The following SLC9C2 variants were observed in gnomAD, a reference collection of about 807,000 sequenced individuals.
The protein encoded by SLC9C2 is solute carrier family 9 member C2 (putative).
In SLC9C2, 75 loss-of-function variants were observed where a neutral mutation model predicts 140.2. The observed-to-expected ratio is 0.53, with a 90% CI of 0.44 to 0.65. The LOEUF (loss-of-function observed/expected upper bound fraction) is 0.65, where lower values mean the gene tolerates loss of function less well. SLC9C2 is among the 30% of genes least tolerant of loss of function. SLC9C2 has a pLI of 0.00. For missense variants in SLC9C2, 1,074 were observed against 1,331.8 expected (o/e 0.81, Z 3.01); for synonymous variants, 375 against 420.9 (o/e 0.89, Z 1.34).
chr1:173,562,364 C>A (rs1664174518), intron 9 of SLC9C2, among the ~76,000 whole-genome samples: 1 of 152,078 alleles, frequency 6.6e-6, no homozygotes, highest in Admixed American at 6.6e-5. Flanking sequence ...TAAATGCAAG[C>A]AATCTCACAA....
At chr1:173,563,812 T>G (rs1302714855) in intron 9 of SLC9C2, among the ~76,000 whole-genome samples, 2 of 152,210 alleles carry the variant, frequency 1.3e-5, no homozygotes, top group Non-Finnish European at 2.9e-5. Flanking sequence ...TTCTATTTTT[T>G]GTACCTGTTA....
At chr1:173,559,529 C>T (rs1663953758) in intron 9 of SLC9C2, among the ~76,000 whole-genome samples, 1 of 152,212 alleles carries the variant, frequency 6.6e-6, no homozygotes, top group Non-Finnish European at 1.5e-5. Flanking sequence ...ACCACCACCA[C>T]CCAGCACTGC....
chr1:173,592,860 A>G (rs576944431), intron 4 of SLC9C2, among the ~76,000 whole-genome samples: 1 of 152,336 alleles, frequency 6.6e-6, no homozygotes, highest in African/African-American at 2.4e-5. Flanking sequence ...AGGAAACGCC[A>G]TCAGGCTAAC....
intron 17 of SLC9C2, among the ~76,000 whole-genome samples, chr1:173,531,717 G>A (rs757338107): frequency 2.0e-5 from 3 of 152,086 alleles, no homozygotes; most frequent in Non-Finnish European, 4.4e-5. Context: ...CTTTTACTGC[G>A]GCGCCGCCAG....
chr1:173,588,595 T>G (rs759144333), intron 4 of SLC9C2, among the ~76,000 whole-genome samples: 5 of 152,222 alleles, frequency 3.3e-5, no homozygotes, highest in African/African-American at 7.2e-5. Flanking sequence ...AATGTTAAAT[T>G]AACCTTGTTC....
At chr1:173,586,980 C>T (rs897729970) in intron 5 of SLC9C2, among the ~76,000 whole-genome samples, 10 of 151,670 alleles carry the variant, frequency 6.6e-5, no homozygotes, top group African/African-American at 1.7e-4. Flanking sequence ...ACATTCTGCA[C>T]GTGTATCCCA....
intron 22 of SLC9C2, among the ~76,000 whole-genome samples, chr1:173,519,835 A>G (rs528878388): frequency 3.9e-5 from 6 of 151,938 alleles, no homozygotes; most frequent in African/African-American, 1.4e-4. Context: ...TTTTCTGTTC[A>G]TCAGTTTTCT....
chr1:173,598,056 A>G (rs760172416), intron 3 of SLC9C2, 24 bp from the exon 4 acceptor site: 6 of 1,562,456 alleles, frequency 3.8e-6, no homozygotes, highest in Non-Finnish European at 5.2e-6. Flanking sequence ...GGCAAACAAG[A>G]AATTAGTTTG....
At chr1:173,585,621 T>A (rs1176904018) in intron 5 of SLC9C2, among the ~76,000 whole-genome samples, 1 of 151,978 alleles carries the variant, frequency 6.6e-6, no homozygotes, top group Non-Finnish European at 1.5e-5. Context: ...CATAAAAAAA[T>A]ATAAAAATTA....
chr1:173,575,555 T>G (rs1375096120), intron 8 of SLC9C2, among the ~76,000 whole-genome samples: 3 of 152,094 alleles, frequency 2.0e-5, no homozygotes, highest in South Asian at 4.1e-4. Flanking sequence ...GCCCATGTTT[T>G]TTGTTGTTGT....
intron 26 of SLC9C2, among the ~76,000 whole-genome samples, chr1:173,503,624 C>T (rs1343240716): frequency 2.0e-5 from 3 of 152,122 alleles, no homozygotes; most frequent in Admixed American, 1.3e-4. Context: ...CATCTGCTCC[C>T]TCTATAGAAG....
intron 24 of SLC9C2, among the ~76,000 whole-genome samples, chr1:173,508,030 G>A (rs1659780375): frequency 6.6e-6 from 1 of 152,112 alleles, no homozygotes; most frequent in Admixed American, 6.5e-5. Flanking sequence ...TCAGGGCACA[G>A]CTACATGAGC....
intron 23 of SLC9C2, among the ~76,000 whole-genome samples, chr1:173,513,304 TG>T (rs141713650): frequency 0.059 from 8,953 of 152,246 alleles, 892 homozygotes; most frequent in African/African-American, 0.2. Flanking sequence ...GGGCTTTTTT[TG>T]GTTGGCAGGC....
intron 11 of SLC9C2, among the ~76,000 whole-genome samples, chr1:173,549,477 A>G (rs1005641597): frequency 6.6e-6 from 1 of 152,230 alleles, no homozygotes; most frequent in African/African-American, 2.4e-5. Flanking sequence ...TCCCACCCAT[A>G]TGATGGGGCA....
chr1:173,565,317 C>G (rs2102145637), intron 9 of SLC9C2, among the ~76,000 whole-genome samples: 1 of 152,252 alleles, frequency 6.6e-6, no homozygotes, highest in Admixed American at 6.5e-5. Flanking sequence ...CCAATGTTTT[C>G]TTGCAGTAGT....
chr1:173,517,513 C>G, intron 23 of SLC9C2, 24 bp downstream of exon 23: 1 of 1,570,876 alleles, frequency 6.4e-7, no homozygotes, highest in Non-Finnish European at 8.6e-7. Context: ...TAATTAATAA[C>G]TCATGACAGA....
intron 19 of SLC9C2, 74 bp downstream of exon 19, chr1:173,526,589 G>T: frequency 2.4e-6 from 3 of 1,275,870 alleles, no homozygotes; most frequent in South Asian, 1.3e-5. Flanking sequence ...ATGAAAGCAT[G>T]AATTGTTCTT....
rs1309452697 is a variant in SLC9C2, at chr1:173,517,686, T to C, written c.2758A>G (p.Thr920Ala). The C allele has an allele frequency of 2.5e-6, 4 of 1,609,644 alleles. No homozygotes were observed. The highest frequency in any genetic ancestry group is 3.4e-6 in the Non-Finnish European group (4 of 1,178,850). The change falls in exon 23 of 28, where the codon ACC becomes GCC. Residue 920 changes from threonine (T) to alanine (A), a missense_variant. Transcript: ENST00000367714. Reference protein sequence around the residue: ...GMAILHSLSPTFGIESNQRCD... With the variant: ...GMAILHSLSPAFGIESNQRCD... ...CTTTGATTACTCTCTATTCCAAAGG[T>C]AGGAGATAAACTATGCAACTGCAAA...
chr1:173,578,473 G>T (rs1022268346), intron 7 of SLC9C2, among the ~76,000 whole-genome samples: 1 of 152,210 alleles, frequency 6.6e-6, no homozygotes, highest in African/African-American at 2.4e-5. Flanking sequence ...AACTTACTAA[G>T]TATGAGTAAA....
Sources: allele counts gnomAD v4.1 joint callset (sites outside exome capture counted in the v4.1 genomes callset), GRCh38; gene constraint gnomAD v4.1.1; transcripts MANE v1.5; gene names NCBI Gene and HGNC (gene_info 2026-07-23, HGNC 2026-07-21).